The following IGF1R variants were observed in gnomAD, a reference collection of about 807,000 sequenced individuals.
The protein encoded by IGF1R is insulin like growth factor 1 receptor.
In IGF1R, 44 loss-of-function variants were observed where a neutral mutation model predicts 144.6. The observed-to-expected ratio is 0.30, with a 90% CI of 0.24 to 0.39. The LOEUF (loss-of-function observed/expected upper bound fraction) is 0.39, where lower values mean the gene tolerates loss of function less well. Ranked by LOEUF, IGF1R falls within the 10% of genes least tolerant of loss-of-function variation. The probability of loss-of-function intolerance (pLI) is 1.00; values close to 1 mark genes in which losing one functional copy is unlikely to be tolerated. For synonymous variants in IGF1R, 795 were observed against 722.8 expected, an observed-to-expected ratio of 1.10 and a Z score of -1.60; for missense variants, 1,355 against 1,833.7, an observed-to-expected ratio of 0.74 and a Z score of 4.77.
chr15:98,703,798 A>T (rs1183348914), intron 1 of IGF1R, among the ~76,000 whole-genome samples: 1 of 152,226 alleles, frequency 6.6e-6, no homozygotes, highest in African/African-American at 2.4e-5. Flanking sequence ...ATGAAGTTCA[A>T]CTTGCTTCAG....
In IGF1R at chr15:98,960,753, C is replaced by T. The variant is rs1321087529; in HGVS notation, c.*3311C>T. The T allele has an allele frequency of 1.3e-5, 3 of 233,584 alleles. No homozygotes were observed. The highest frequency in any genetic ancestry group is 2.5e-5 in the Non-Finnish European group (3 of 118,236). The allele number at this position is 233,584 out of a possible 1,614,324, so 14.5% of individuals were successfully genotyped here. Reference sequence around the variant, plus strand: ...AGAGGCTCCTGACCTCACAGCCAGTCCCTGATAGAACACACGCAGGAGCAG... The same window carrying T: ...AGAGGCTCCTGACCTCACAGCCAGTTCCTGATAGAACACACGCAGGAGCAG... On this transcript the variant is annotated 3_prime_UTR_variant, in exon 21 of 21. Transcript: ENST00000650285.
At chr15:98,653,634 A>G (rs1282227057) in intron 1 of IGF1R, among the ~76,000 whole-genome samples, 1 of 152,214 alleles carries the variant, frequency 6.6e-6, no homozygotes, top group Non-Finnish European at 1.5e-5. Flanking sequence ...AAATGTGGCA[A>G]AGGCATTTTT....
chr15:98,844,256 G>C (rs561675300), intron 2 of IGF1R, among the ~76,000 whole-genome samples: 1 of 152,256 alleles, frequency 6.6e-6, no homozygotes, highest in Non-Finnish European at 1.5e-5. Flanking sequence ...GAAAGAACAG[G>C]ATACCAAGTC....
At chr15:98,843,714 A>G (rs1406989481) in intron 2 of IGF1R, among the ~76,000 whole-genome samples, 1 of 152,228 alleles carries the variant, frequency 6.6e-6, no homozygotes, top group Non-Finnish European at 1.5e-5. Flanking sequence ...GCAATACGGA[A>G]GAAATTCACC....
At chr15:98,818,254 G>A (rs574749924) in intron 2 of IGF1R, among the ~76,000 whole-genome samples, 2 of 152,276 alleles carry the variant, frequency 1.3e-5, no homozygotes, top group African/African-American at 2.4e-5. Flanking sequence ...ATTTCATAGC[G>A]TCGAGTTATA....
chr15:98,951,583 C>G (rs2016775768), intron 20 of IGF1R, among the ~76,000 whole-genome samples: 2 of 152,228 alleles, frequency 1.3e-5, no homozygotes, highest in African/African-American at 2.4e-5. Context: ...GGCTTGGAGC[C>G]CTTCTCGCGG....
At chr15:98,883,961 A>G (rs547150821) in intron 2 of IGF1R, among the ~76,000 whole-genome samples, 2 of 152,282 alleles carry the variant, frequency 1.3e-5, no homozygotes, top group African/African-American at 2.4e-5. Context: ...TACCATGTTC[A>G]TGAGGCTCCA....
rs543124884 is a variant in IGF1R, at chr15:98,727,321, C to T, written c.640+19214C>T. Among the ~76,000 whole-genome samples the T allele has an allele frequency of 3.3e-5, 5 of 152,262 alleles. No individual in the cohort carries two copies. In the South Asian group the frequency reaches 1.0e-3, roughly 32 times the overall value. ...TGATTTATCAAAATCAGATCTTGGACTGCTGGTTTTACCATGAATTAGGCT... is the reference window on the plus strand; with the variant it reads ...TGATTTATCAAAATCAGATCTTGGATTGCTGGTTTTACCATGAATTAGGCT... On this transcript the variant is annotated intron_variant, in intron 2 of 20. Coordinates refer to ENST00000650285, the MANE Select transcript of IGF1R (RefSeq NM_000875.5).
At chr15:98,871,096 G>A (rs1409974358) in intron 2 of IGF1R, among the ~76,000 whole-genome samples, 1 of 152,214 alleles carries the variant, frequency 6.6e-6, no homozygotes, top group African/African-American at 2.4e-5. Flanking sequence ...GTATGTTCTT[G>A]CTTGCAACTC....
intron 2 of IGF1R, among the ~76,000 whole-genome samples, chr15:98,874,039 G>A (rs1390922874): frequency 1.3e-5 from 2 of 152,266 alleles, no homozygotes; most frequent in South Asian, 2.1e-4. Flanking sequence ...TTCCTCTGCC[G>A]GGGGTTTAGA....
intron 1 of IGF1R, among the ~76,000 whole-genome samples, chr15:98,676,547 G>C (rs566406395): frequency 6.6e-6 from 1 of 151,854 alleles, no homozygotes; most frequent in South Asian, 2.1e-4. Context: ...CTGCTAGGAA[G>C]AATCTCCACT....
intron 2 of IGF1R, among the ~76,000 whole-genome samples, chr15:98,731,975 C>T (rs1384897557): frequency 6.6e-6 from 1 of 152,200 alleles, no homozygotes; most frequent in Non-Finnish European, 1.5e-5. Context: ...ACAGTCTTCA[C>T]CCCCAAGCTC....
At chr15:98,681,313 C>T (rs886982437) in intron 1 of IGF1R, among the ~76,000 whole-genome samples, 4 of 152,154 alleles carry the variant, frequency 2.6e-5, no homozygotes, top group Admixed American at 6.5e-5. Flanking sequence ...ACATACACCT[C>T]GTTGTTCAGT....
chr15:98,919,274 C>T (rs2015385789), intron 10 of IGF1R, among the ~76,000 whole-genome samples: 1 of 152,172 alleles, frequency 6.6e-6, no homozygotes, highest in South Asian at 2.1e-4. Context: ...AGGCTTAGCT[C>T]GTGGCAGCTC....
intron 2 of IGF1R, among the ~76,000 whole-genome samples, chr15:98,763,235 A>G (rs781155403): frequency 1.1e-4 from 16 of 152,130 alleles, no homozygotes; most frequent in South Asian, 2.1e-4. Context: ...GACATATTCT[A>G]TGGTGCTCGT....
chr15:98,917,483 C>G (rs577785331), intron 10 of IGF1R, among the ~76,000 whole-genome samples: 4 of 152,334 alleles, frequency 2.6e-5, no homozygotes, highest in African/African-American at 7.2e-5. Flanking sequence ...GGACTCTGCT[C>G]CTCTGCTGTG....
chr15:98,861,294 C>G (rs2012139053), intron 2 of IGF1R, among the ~76,000 whole-genome samples: 1 of 152,190 alleles, frequency 6.6e-6, no homozygotes, highest in African/African-American at 2.4e-5. Flanking sequence ...GATAAATATA[C>G]ATGCAGGGAC....
At position 98,648,623 on chromosome 15, in the gene IGF1R, G is replaced by A. The variant is rs1462636411; in HGVS notation, c.-959G>A. 2.0e-5 allele frequency among the ~76,000 whole-genome samples: 3 copies of A among 146,862 alleles called. No homozygotes were observed. Among genetic ancestry groups the A allele is most frequent in the African/African-American group, 7.3e-5 (3 of 40,834 alleles). Reference sequence around the variant, plus strand: ...ACTCCGCTGAGCGGAAAAAAAAAGGGAAAAAACCCGAGGAGGAGCGAGCGC... The same window carrying A: ...ACTCCGCTGAGCGGAAAAAAAAAGGAAAAAAACCCGAGGAGGAGCGAGCGC... On this transcript the variant is annotated 5_prime_UTR_variant, in exon 1 of 21. Transcript: ENST00000650285.
intron 3 of IGF1R, among the ~76,000 whole-genome samples, chr15:98,894,545 T>A (rs1365593711): frequency 6.6e-6 from 1 of 152,184 alleles, no homozygotes; most frequent in Admixed American, 6.5e-5. Context: ...GACATTATGC[T>A]CTGTGAAAAA....
Sources: gnomAD v4.1 joint callset for allele counts (sites outside exome capture counted in the v4.1 genomes callset) on GRCh38, gnomAD v4.1.1 for gene constraint, MANE v1.5 for transcripts, NCBI Gene and HGNC (gene_info 2026-07-23, HGNC 2026-07-21) for gene names.